PRPSAP1: variants seen among roughly 807,000 people sequenced by gnomAD.
The protein encoded by PRPSAP1 is phosphoribosyl pyrophosphate synthase-associated protein 1.
In PRPSAP1, 31 loss-of-function variants were observed where a neutral mutation model predicts 39.4. The ratio of observed to expected loss-of-function variants is 0.79; its 90% CI spans 0.59 to 1.06. The LOEUF is 1.06. Ranked by LOEUF, PRPSAP1 falls within the 50% of genes least tolerant of loss-of-function variation. The pLI, the probability that PRPSAP1 is intolerant of heterozygous loss-of-function variation, is 0.00. For synonymous variants in PRPSAP1, 212 were observed against 192.6 expected (o/e 1.10, Z -0.83); for missense variants, 430 against 511.6 (o/e 0.84, Z 1.54).
At chr17:76,345,256 G>A (rs1444503760) in intron 2 of PRPSAP1, among the ~76,000 whole-genome samples, 2 of 29,986 alleles carry the variant, frequency 6.7e-5, no homozygotes, top group Non-Finnish European at 1.8e-4. Flanking sequence ...AAAAAAAAAA[G>A]AGTTCTTCGA....
intron 1 of PRPSAP1, among the ~76,000 whole-genome samples, chr17:76,351,518 A>G (rs1044628304): frequency 2.0e-5 from 3 of 149,228 alleles, no homozygotes; most frequent in Non-Finnish European, 4.4e-5. Flanking sequence ...GTCTCAAAAC[A>G]AAAAACAAAA....
Position 76,313,871 on chromosome 17 carries a change from G to A in PRPSAP1, c.802C>T (p.Pro268Ser). Reference protein sequence around the residue: ...ELPLMMAKEKPPITVVGDVGG... With the variant: ...ELPLMMAKEKSPITVVGDVGG... ...ACATCTCCAACTACAGTTATCGGTG[G>A]CTTCTCTTTGGCCATCATCACTAGC... Residue 268 changes from proline (P) to serine (S), a missense_variant, in exon 8 of 10, where the codon CCA becomes TCA. This residue lies in a region of PRPSAP1 where 278 missense variants were observed against 376.3 expected (regional missense o/e 0.74). Transcript: ENST00000446526. 1 of 1,614,148 alleles carries A rather than the reference G, an allele frequency of 6.2e-7. No homozygotes were observed. The highest frequency in any genetic ancestry group is 8.5e-7 in the Non-Finnish European group (1 of 1,180,040).
In PRPSAP1 at chr17:76,353,602, G is replaced by A. The variant is rs1260643791; in HGVS notation, c.102C>T (p.Arg34=). The A allele has an allele frequency of 2.4e-5, 38 of 1,559,604 alleles. No homozygotes were observed. Among genetic ancestry groups the A allele is most frequent in the African/African-American group, 5.6e-5 (4 of 71,110 alleles). Residue 34 remains arginine, a synonymous_variant, in exon 1 of 10, where the codon CGC becomes CGT. Transcript: ENST00000446526. The part of the protein sequence containing the change: ...PVPPPAMNAA[R]TGYRVFSANS... ...TGGCCGAGAAGACTCGGTAGCCGGT[G>A]CGAGCGGCGTTCATGGCCGGCGGGG...
chr17:76,341,845 A>G (rs923696279), intron 3 of PRPSAP1, among the ~76,000 whole-genome samples: 1 of 152,154 alleles, frequency 6.6e-6, no homozygotes, highest in South Asian at 2.1e-4. Context: ...AGGCTGAGGC[A>G]GGAGAATGGC....
intron 7 of PRPSAP1, among the ~76,000 whole-genome samples, chr17:76,318,443 A>G (rs2071148268): frequency 6.6e-6 from 1 of 152,130 alleles, no homozygotes; most frequent in African/African-American, 2.4e-5. Flanking sequence ...GCAAGACTCT[A>G]TCTGAAAAAA....
chr17:76,328,956 C>T (rs576678161), intron 6 of PRPSAP1, 94 bp from the exon 7 acceptor site: 41 of 1,372,632 alleles, frequency 3.0e-5, no homozygotes, highest in Non-Finnish European at 3.9e-5. Flanking sequence ...AAATATTTAA[C>T]GTTTCAGGGA....
intron 7 of PRPSAP1, among the ~76,000 whole-genome samples, chr17:76,322,883 A>G (rs983624040): frequency 6.6e-6 from 1 of 151,912 alleles, no homozygotes; most frequent in Non-Finnish European, 1.5e-5. Context: ...CTTCCAAGCT[A>G]CTCAGGAGGC....
chr17:76,326,717 G>A (rs1304195890), intron 7 of PRPSAP1, among the ~76,000 whole-genome samples: 1 of 152,172 alleles, frequency 6.6e-6, no homozygotes, highest in Non-Finnish European at 1.5e-5. Context: ...TCTTGAACAA[G>A]AAAACAAGTT....
intron 3 of PRPSAP1, among the ~76,000 whole-genome samples, chr17:76,338,952 G>T (rs1242165770): frequency 3.9e-5 from 6 of 151,936 alleles, no homozygotes; most frequent in African/African-American, 1.4e-4. Flanking sequence ...AGAATCACTT[G>T]AACCTGGAAA....
intron 3 of PRPSAP1, among the ~76,000 whole-genome samples, chr17:76,343,565 T>C (rs1354573707): frequency 6.6e-6 from 1 of 152,188 alleles, no homozygotes; most frequent in Non-Finnish European, 1.5e-5. Flanking sequence ...TGGGGAGTGG[T>C]GGCTCACGCC....
At chr17:76,351,740 TAAGGG>T (rs1367902287) in intron 1 of PRPSAP1, among the ~76,000 whole-genome samples, 9 of 152,182 alleles carry the variant, frequency 5.9e-5, no homozygotes, top group Non-Finnish European at 1.3e-4. Context: ...GTAAAACAGG[TAAGGG>T]AAGTATTTAT....
chr17:76,346,216 C>T, intron 2 of PRPSAP1: 1 of 186,400 alleles, frequency 5.4e-6, no homozygotes, highest in Non-Finnish European at 1.1e-5. Flanking sequence ...ATGTTGTTAG[C>T]ACACAGAACG....
chr17:76,350,355 C>A (rs60722349), intron 1 of PRPSAP1, among the ~76,000 whole-genome samples: 1 of 151,450 alleles, frequency 6.6e-6, no homozygotes. Context: ...AGGGGAATGG[C>A]GTGAACCCAG....
At chr17:76,316,335 C>T (rs992795654) in intron 7 of PRPSAP1, among the ~76,000 whole-genome samples, 8 of 152,144 alleles carry the variant, frequency 5.3e-5, no homozygotes, top group Middle Eastern at 3.4e-3. Flanking sequence ...CTGTTAGTTT[C>T]GCATGAAAAA....
At chr17:76,336,073 C>T (rs933582973) in intron 3 of PRPSAP1, among the ~76,000 whole-genome samples, 7 of 152,154 alleles carry the variant, frequency 4.6e-5, no homozygotes, top group Non-Finnish European at 1.0e-4. Context: ...ACAAGGGAGG[C>T]CCAGATAATA....
intron 1 of PRPSAP1, among the ~76,000 whole-genome samples, chr17:76,352,644 CAAAAAAA>C (rs55986677): frequency 5.6e-4 from 30 of 53,584 alleles, no homozygotes; most frequent in East Asian, 1.8e-3. Flanking sequence ...GACTCCGTCT[CAAAAAAA>C]AAAAAAAAAA....
chr17:76,346,700 G>T (rs1370680370), intron 2 of PRPSAP1, among the ~76,000 whole-genome samples: 1 of 152,206 alleles, frequency 6.6e-6, no homozygotes, highest in African/African-American at 2.4e-5. Context: ...TGTTCACTGG[G>T]TTTTACAGTG....
Position 76,328,835 on chromosome 17 carries a change from ACGCAGTCTCTCCG to A in PRPSAP1, c.650_662del (p.Ala217ValfsTer41), listed in dbSNP as rs1363641157. 18 of 1,614,094 alleles carry A rather than the reference ACGCAGTCTCTCCG, an allele frequency of 1.1e-5. No homozygotes were observed. The highest frequency in any genetic ancestry group is 1.5e-5 in the Non-Finnish European group (18 of 1,180,016). ...CCCCGTGAATGACGGCCAAACCCAG[ACGCAGTCTCTCCG>A]CATAGGACTGGGCCCTAGAAGGACA... On this transcript the variant is annotated frameshift_variant, in exon 7 of 10. Coordinates refer to ENST00000446526, the MANE Select transcript of PRPSAP1 (RefSeq NM_002766.3). LOFTEE classifies it high-confidence loss of function.
chr17:76,349,941 C>G (rs1158567470), intron 1 of PRPSAP1, among the ~76,000 whole-genome samples: 1 of 151,678 alleles, frequency 6.6e-6, no homozygotes, highest in African/African-American at 2.4e-5. Flanking sequence ...CAAAAATTAG[C>G]TGGGTGTGGT....
Sources: allele counts gnomAD v4.1 joint callset (sites outside exome capture counted in the v4.1 genomes callset), GRCh38; gene constraint gnomAD v4.1.1; regional missense constraint gnomAD v4.1.1; transcripts MANE v1.5; gene names NCBI Gene and HGNC (gene_info 2026-07-23, HGNC 2026-07-21).